Variants in ST6GAL1 observed in about 807,000 individuals in gnomAD.
ST6GAL1 encodes the protein beta-galactoside alpha-2,6-sialyltransferase 1.
ST6GAL1 carries 20 observed loss-of-function variants against 38.0 expected under a neutral mutation model. The ratio of observed to expected loss-of-function variants is 0.53; its 90% CI spans 0.37 to 0.77. The LOEUF (loss-of-function observed/expected upper bound fraction) is 0.77. Ranked by LOEUF, ST6GAL1 falls within the 30% of genes least tolerant of loss-of-function variation. ST6GAL1 has a pLI of 0.00. For missense variants in ST6GAL1, 432 were observed against 496.4 expected, an observed-to-expected ratio of 0.87 and a Z score of 1.23; for synonymous variants, 196 against 188.2, an observed-to-expected ratio of 1.04 and a Z score of -0.34.
intron 2 of ST6GAL1, among the ~76,000 whole-genome samples, chr3:187,000,399 A>C (rs368925613): frequency 9.5e-4 from 140 of 147,458 alleles, no homozygotes; most frequent in Middle Eastern, 3.4e-3. Flanking sequence ...AAAATACAAA[A>C]AAAAAAAAAA....
chr3:187,066,098 G>T (rs1300851738), intron 5 of ST6GAL1, among the ~76,000 whole-genome samples: 1 of 152,206 alleles, frequency 6.6e-6, no homozygotes, highest in Non-Finnish European at 1.5e-5. Context: ...AGGTGGGCGA[G>T]ATTTCCATCA....
chr3:187,019,801 T>C (rs772549513), intron 2 of ST6GAL1, among the ~76,000 whole-genome samples: 6 of 152,150 alleles, frequency 3.9e-5, no homozygotes, highest in Admixed American at 1.3e-4. Flanking sequence ...AAGTTTGGGT[T>C]CTAAGGTCCA....
chr3:187,072,453 T>C (rs1719417231), intron 5 of ST6GAL1: 1 of 330,400 alleles, frequency 3.0e-6, no homozygotes, highest in Non-Finnish European at 5.9e-6. Flanking sequence ...TACTGGACTC[T>C]CTAGGTGATT....
At chr3:187,013,842 C>T (rs1299428651) in intron 2 of ST6GAL1, among the ~76,000 whole-genome samples, 2 of 152,212 alleles carry the variant, frequency 1.3e-5, no homozygotes. Flanking sequence ...ACCTTGGCCT[C>T]CCAACGTGCT....
rs775286088 is a variant in ST6GAL1, at chr3:187,051,305, G to C, written c.664G>C (p.Asp222His). The change falls in exon 5 of 8, where the codon GAT becomes CAT. Residue 222 changes from aspartate (D) to histidine (H), a missense_variant. Transcript: ENST00000169298. ...NGAPTANFQQ[D>H]VGTKTTIRLM... ...GGCACCCACAGCCAACTTCCAACAA[G>C]ATGTGGGCACAAAAACTACCATTCG... The C allele has an allele frequency of 1.2e-6, 2 of 1,614,150 alleles. No homozygotes were observed. The highest frequency in any genetic ancestry group is 8.5e-7 in the Non-Finnish European group (1 of 1,180,020).
chr3:187,040,629 T>C (rs1470663095), intron 3 of ST6GAL1, among the ~76,000 whole-genome samples: 2 of 152,226 alleles, frequency 1.3e-5, no homozygotes, highest in Non-Finnish European at 2.9e-5. Flanking sequence ...GACTACCACG[T>C]AGTAGGCCCT....
intron 3 of ST6GAL1, among the ~76,000 whole-genome samples, chr3:187,039,361 C>G (rs962203539): frequency 2.0e-5 from 3 of 152,212 alleles, no homozygotes; most frequent in Non-Finnish European, 1.5e-5. Context: ...AGTATCCGCT[C>G]TGGTCCAGGC....
At chr3:187,029,247 C>T (rs1335492152) in intron 2 of ST6GAL1, among the ~76,000 whole-genome samples, 1 of 152,084 alleles carries the variant, frequency 6.6e-6, no homozygotes, top group African/African-American at 2.4e-5. Context: ...TTTTTAAGAG[C>T]AGCAGCGTGT....
chr3:186,952,391 T>G lies in ST6GAL1; in HGVS notation c.-324-11394T>G, dbSNP rs1024679624. Among the ~76,000 whole-genome samples, 2 of 152,214 alleles carry G rather than the reference T, an allele frequency of 1.3e-5. No individual in the cohort carries two copies. Among genetic ancestry groups the G allele is most frequent in the Non-Finnish European group, 2.9e-5 (2 of 68,040 alleles). ...ATACAATTGACCATTCCATCCTCCT[T>G]GAAATAGTTTCTTCTCTTGGCTTCT... is the stretch of plus-strand genomic sequence containing the variant. On this transcript the variant is annotated intron_variant, in intron 1 of 7. Transcript: ENST00000169298. This position sits in a 1 kb window ranked among gnomAD's most constrained non-coding sequence, Gnocchi z 4.1.
In ST6GAL1 at chr3:186,952,075, G is replaced by A. The variant is rs1437969577; in HGVS notation, c.-324-11710G>A. Among the ~76,000 whole-genome samples, 1 of 152,188 alleles carries A rather than the reference G, an allele frequency of 6.6e-6. No individual in the cohort carries two copies. Among genetic ancestry groups the A allele is most frequent in the Non-Finnish European group, 1.5e-5 (1 of 68,030 alleles). On this transcript the variant is annotated intron_variant, in intron 1 of 7. Transcript: ENST00000169298. This position sits in a 1 kb window ranked among gnomAD's most constrained non-coding sequence, Gnocchi z 4.1. ...GGTTTATTTGGCTCATGATTCTGCAGGCTGTACAGGCATGGCACCCACATC... is the reference window on the plus strand; with the variant it reads ...GGTTTATTTGGCTCATGATTCTGCAAGCTGTACAGGCATGGCACCCACATC...
At chr3:186,930,963 C>A (rs1713722469) in intron 1 of ST6GAL1, 129 bp downstream of exon 1, 1 of 153,324 alleles carries the variant, frequency 6.5e-6, no homozygotes, top group Admixed American at 6.5e-5. Context: ...GAATCTCTCT[C>A]CAGCTCCGCC....
At chr3:186,944,796 G>A (rs79120159) in intron 1 of ST6GAL1, among the ~76,000 whole-genome samples, 14,519 of 152,234 alleles carry the variant, frequency 0.095, 874 homozygotes, top group South Asian at 0.19. Context: ...GAGAGTCTGC[G>A]GAGGCACTCG....
chr3:187,071,139 G>A lies in ST6GAL1; in HGVS notation c.706-1710G>A, dbSNP rs549106737. ...ACATTGATTAGGTCTCAGCCTTGGC[G>A]ATGTAGACTGAGGTGGAGAGGGATT... On this transcript the variant is annotated intron_variant, in intron 5 of 7. Coordinates refer to ENST00000169298, the MANE Select transcript of ST6GAL1 (RefSeq NM_173216.2). Among the ~76,000 whole-genome samples the A allele has an allele frequency of 3.3e-5, 5 of 152,280 alleles. No homozygotes were observed. The South Asian group carries it at 6.2e-4, about 19-fold the overall frequency.
chr3:186,970,215 C>CTT (rs34302492), intron 2 of ST6GAL1, among the ~76,000 whole-genome samples: 1 of 132,804 alleles, frequency 7.5e-6, no homozygotes, highest in Non-Finnish European at 1.6e-5. Flanking sequence ...TTTTCTTTTT[C>CTT]TTTTTTTTTT....
intron 1 of ST6GAL1, among the ~76,000 whole-genome samples, chr3:186,942,761 T>A (rs192555235): frequency 6.6e-6 from 1 of 152,198 alleles, no homozygotes; most frequent in East Asian, 1.9e-4. Flanking sequence ...CACAGGAAGA[T>A]CTGCTGTGTC....
intron 5 of ST6GAL1, among the ~76,000 whole-genome samples, chr3:187,061,131 C>T (rs1046250149): frequency 7.2e-5 from 11 of 151,812 alleles, no homozygotes; most frequent in Non-Finnish European, 2.9e-5. Context: ...AATAGAATAG[C>T]ATAAAAAAGC....
At chr3:186,980,470 T>C (rs898664809) in intron 2 of ST6GAL1, among the ~76,000 whole-genome samples, 1 of 151,948 alleles carries the variant, frequency 6.6e-6, no homozygotes, top group Non-Finnish European at 1.5e-5. Flanking sequence ...ATTTTAAAGA[T>C]AGAGGTCGGA....
At chr3:186,935,230 G>T (rs1713904354) in intron 1 of ST6GAL1, among the ~76,000 whole-genome samples, 1 of 151,930 alleles carries the variant, frequency 6.6e-6, no homozygotes, top group African/African-American at 2.4e-5. Context: ...TCATTATTTA[G>T]CTCCCACTTA....
intron 1 of ST6GAL1, among the ~76,000 whole-genome samples, chr3:186,963,140 C>G (rs1441606062): frequency 6.6e-6 from 1 of 152,146 alleles, no homozygotes; most frequent in Non-Finnish European, 1.5e-5. Flanking sequence ...GCCCTCTATT[C>G]AGGCAACTAT....
Sources: allele counts gnomAD v4.1 joint callset (sites outside exome capture counted in the v4.1 genomes callset), GRCh38; gene constraint gnomAD v4.1.1; non-coding constraint Gnocchi (gnomAD v3.1); transcripts MANE v1.5; gene names NCBI Gene and HGNC (gene_info 2026-07-23, HGNC 2026-07-21).